MND1: variants seen among roughly 807,000 people sequenced by gnomAD.
MND1 encodes meiotic nuclear divisions 1, also known as meiotic nuclear division protein 1 homolog.
Under a neutral mutation model 35.1 loss-of-function variants are expected in MND1, and 28 were observed. The ratio of observed to expected loss-of-function variants is 0.80; its 90% confidence interval spans 0.59 to 1.09. MND1 has a LOEUF of 1.09. Among genes scored for constraint, MND1 ranks in the 50% least tolerant of loss-of-function variants. The pLI, the probability that MND1 is intolerant of heterozygous loss-of-function variation, is 0.00. For synonymous variants in MND1, 69 were observed against 70.5 expected (o/e 0.98, Z 0.11); for missense variants, 213 against 239.6 (o/e 0.89, Z 0.73).
At chr4:153,376,567 A>G (rs570855742) in intron 4 of MND1, among the ~76,000 whole-genome samples, 2 of 152,288 alleles carry the variant, frequency 1.3e-5, no homozygotes, top group South Asian at 2.1e-4. Flanking sequence ...GGAAAGAGCA[A>G]TGTTGTAACT....
At chr4:153,358,894 C>G (rs961692067) in intron 4 of MND1, among the ~76,000 whole-genome samples, 1 of 152,018 alleles carries the variant, frequency 6.6e-6, no homozygotes, top group African/African-American at 2.4e-5. Context: ...TTTTTGGAAG[C>G]AGTTTTAGAC....
Position 153,410,923 on chromosome 4 carries a change from G to A in MND1, c.511+1908G>A, listed in dbSNP as rs185445597. Among the ~76,000 whole-genome samples the A allele has an allele frequency of 4.1e-3, 623 of 152,242 alleles. 3 individuals carry two copies. The highest frequency in any genetic ancestry group is 6.8e-3 in the Middle Eastern group (2 of 294). On this transcript the variant is annotated intron_variant, in intron 7 of 7. Transcript: ENST00000240488. ...GGAGAATTGCTTGAACCCAGGAGGC[G>A]GAGGTTGCAGTGAGCTGAGATGGTG...
chr4:153,399,923 A>G (rs1729301961), intron 6 of MND1, among the ~76,000 whole-genome samples: 1 of 106,808 alleles, frequency 9.4e-6, no homozygotes, highest in Non-Finnish European at 1.7e-5. Context: ...TTTTTTGGAG[A>G]CAGGGCCTTG....
chr4:153,350,234 AT>A, intron 2 of MND1, 105 bp downstream of exon 2: 1 of 755,544 alleles, frequency 1.3e-6, no homozygotes, highest in Non-Finnish European at 2.1e-6. Flanking sequence ...ATACTGATCA[AT>A]TTCTTGAAGA....
intron 4 of MND1, among the ~76,000 whole-genome samples, chr4:153,370,467 AAATT>A (rs1411039174): frequency 6.6e-6 from 1 of 152,018 alleles, no homozygotes; most frequent in Non-Finnish European, 1.5e-5. Flanking sequence ...AACTTCTTCC[AAATT>A]ATTATTAATG....
chr4:153,407,634 G>GCT (rs1729556941), intron 6 of MND1, among the ~76,000 whole-genome samples: 2 of 152,126 alleles, frequency 1.3e-5, no homozygotes, highest in Non-Finnish European at 2.9e-5. Context: ...CGTATTAGCA[G>GCT]AAACAGCCCA....
intron 4 of MND1, among the ~76,000 whole-genome samples, chr4:153,382,919 C>A (rs990051999): frequency 1.3e-5 from 2 of 152,116 alleles, no homozygotes; most frequent in African/African-American, 4.8e-5. Context: ...GCCTAGACAA[C>A]TTGAGTGACA....
At chr4:153,382,987 A>G (rs1435609276) in intron 4 of MND1, among the ~76,000 whole-genome samples, 4 of 151,994 alleles carry the variant, frequency 2.6e-5, no homozygotes, top group Non-Finnish European at 4.4e-5. Flanking sequence ...ATGCTCTTGG[A>G]AAAAAAATAG....
intron 4 of MND1, among the ~76,000 whole-genome samples, chr4:153,385,708 C>T (rs1728835541): frequency 1.4e-5 from 2 of 140,530 alleles, no homozygotes; most frequent in Admixed American, 7.1e-5. Flanking sequence ...AGAGTGAGAC[C>T]CTGTCTCAAA....
At chr4:153,364,023 C>T (rs1293291973) in intron 4 of MND1, among the ~76,000 whole-genome samples, 3 of 151,054 alleles carry the variant, frequency 2.0e-5, no homozygotes, top group Admixed American at 2.0e-4. Flanking sequence ...CACTTGAGCC[C>T]AGGAGTTCAC....
chr4:153,396,343 T>C (rs1340964119), intron 5 of MND1, among the ~76,000 whole-genome samples: 1 of 152,164 alleles, frequency 6.6e-6, no homozygotes, highest in African/African-American at 2.4e-5. Context: ...ATGAGTCTCT[T>C]GTACAAATGC....
At chr4:153,381,669 T>TATATATATATATATATATATATAATATA (rs1728694492) in intron 4 of MND1, 2 of 16,258 alleles carry the variant, frequency 1.2e-4, no homozygotes, top group Non-Finnish European at 2.8e-4. Flanking sequence ...TATAATATAA[T>TATATATATATATATATATATATAATATA]ATATATATAT....
chr4:153,400,695 G>A (rs1294978460), intron 6 of MND1, among the ~76,000 whole-genome samples: 7 of 152,062 alleles, frequency 4.6e-5, no homozygotes, highest in Non-Finnish European at 7.4e-5. Context: ...CTGGGCAACC[G>A]AGTGAGACCC....
At chr4:153,364,824 G>A (rs888731178) in intron 4 of MND1, among the ~76,000 whole-genome samples, 4 of 152,124 alleles carry the variant, frequency 2.6e-5, no homozygotes, top group Non-Finnish European at 2.9e-5. Context: ...CAATTCTCCA[G>A]CCTTAGCCTC....
At chr4:153,359,936 C>T (rs533287079) in intron 4 of MND1, among the ~76,000 whole-genome samples, 3 of 152,032 alleles carry the variant, frequency 2.0e-5, no homozygotes, top group East Asian at 3.9e-4. Context: ...TACAGGTGCA[C>T]ACCACCACAC....
chr4:153,402,987 A>G (rs1729383974), intron 6 of MND1, among the ~76,000 whole-genome samples: 1 of 152,118 alleles, frequency 6.6e-6, no homozygotes, highest in Non-Finnish European at 1.5e-5. Context: ...AAAAAATTTA[A>G]AAATTAGGCA....
At chr4:153,392,113 T>G (rs1729063071) in intron 4 of MND1, among the ~76,000 whole-genome samples, 1 of 151,902 alleles carries the variant, frequency 6.6e-6, no homozygotes. Context: ...AGTTTAGTTT[T>G]TTTTTTGAGA....
intron 6 of MND1, among the ~76,000 whole-genome samples, chr4:153,404,730 C>T (rs543324545): frequency 3.9e-5 from 6 of 152,206 alleles, no homozygotes; most frequent in South Asian, 2.1e-4. Context: ...CTGCCCGCCT[C>T]GGCCTCTGAA....
At chr4:153,371,331 AC>A (rs904996441) in intron 4 of MND1, among the ~76,000 whole-genome samples, 1 of 152,036 alleles carries the variant, frequency 6.6e-6, no homozygotes, top group Non-Finnish European at 1.5e-5. Context: ...GGCCTTTGAA[AC>A]TTTAAAGTCA....
Sources: allele counts gnomAD v4.1 joint callset (sites outside exome capture counted in the v4.1 genomes callset), GRCh38; gene constraint gnomAD v4.1.1; transcripts MANE v1.5; gene names NCBI Gene and HGNC (gene_info 2026-07-23, HGNC 2026-07-21).